GPR158: variants seen among roughly 807,000 people sequenced by gnomAD.
The protein encoded by GPR158 is metabotropic glycine receptor.
Under a neutral mutation model 78.2 loss-of-function variants are expected in GPR158, and 30 were observed. The ratio of observed to expected loss-of-function variants is 0.38; its 90% CI spans 0.29 to 0.52. GPR158 has a LOEUF of 0.52. Among genes scored for constraint, GPR158 ranks in the 20% least tolerant of loss-of-function variants. The probability of loss-of-function intolerance (pLI) is 0.83; values close to 1 mark genes in which losing one functional copy is unlikely to be tolerated. For synonymous variants in GPR158, 581 were observed against 591.1 expected, an observed-to-expected ratio of 0.98 and a Z score of 0.25; for missense variants, 1,463 against 1,523.5, an observed-to-expected ratio of 0.96 and a Z score of 0.66.
At chr10:25,427,101 T>C (rs185067705) in intron 4 of GPR158, among the ~76,000 whole-genome samples, 28 of 152,176 alleles carry the variant, frequency 1.8e-4, no homozygotes, top group Non-Finnish European at 4.4e-5. Context: ...TATTAATCTA[T>C]AGTCAAATGG....
intron 2 of GPR158, among the ~76,000 whole-genome samples, chr10:25,395,074 T>C (rs1834348766): frequency 6.6e-6 from 1 of 152,162 alleles, no homozygotes; most frequent in African/African-American, 2.4e-5. Context: ...GTAGTTTTTG[T>C]AGTTTAGTAG....
intron 4 of GPR158, among the ~76,000 whole-genome samples, chr10:25,443,509 C>T (rs546158733): frequency 4.8e-5 from 7 of 146,798 alleles, no homozygotes; most frequent in South Asian, 2.2e-4. Context: ...GAGCCAAGTT[C>T]GGACCACTGC....
intron 1 of GPR158, among the ~76,000 whole-genome samples, chr10:25,208,984 G>A (rs867726498): frequency 2.0e-5 from 3 of 151,858 alleles, no homozygotes; most frequent in African/African-American, 4.8e-5. Flanking sequence ...AAGAAGCTGG[G>A]ACTACAGGTG....
chr10:25,217,862 C>T (rs915834408), intron 1 of GPR158, among the ~76,000 whole-genome samples: 1 of 152,136 alleles, frequency 6.6e-6, no homozygotes, highest in Non-Finnish European at 1.5e-5. Context: ...ATTTTCCATT[C>T]TCTGGAGGCC....
intron 6 of GPR158, among the ~76,000 whole-genome samples, chr10:25,559,077 A>G (rs1191757194): frequency 6.6e-6 from 1 of 152,062 alleles, no homozygotes; most frequent in Non-Finnish European, 1.5e-5. Flanking sequence ...TGATTTGTCT[A>G]TTTTCTTCAC....
At chr10:25,454,025 G>T (rs374782955) in intron 4 of GPR158, among the ~76,000 whole-genome samples, 2 of 151,980 alleles carry the variant, frequency 1.3e-5, no homozygotes, top group Non-Finnish European at 2.9e-5. Context: ...TGGGTAGTAT[G>T]GATATTTTAA....
chr10:25,521,163 A>G (rs948901142), intron 5 of GPR158, among the ~76,000 whole-genome samples: 3 of 152,182 alleles, frequency 2.0e-5, no homozygotes, highest in Non-Finnish European at 4.4e-5. Context: ...TTGACTCGGA[A>G]AGGAAACTCC....
chr10:25,386,082 T>C (rs1033990479), intron 2 of GPR158, among the ~76,000 whole-genome samples: 1 of 152,310 alleles, frequency 6.6e-6, no homozygotes, highest in East Asian at 1.9e-4. Flanking sequence ...CAGAGTTTTA[T>C]AGTTTTAGGT....
intron 2 of GPR158, among the ~76,000 whole-genome samples, chr10:25,222,066 A>G (rs985675905): frequency 7.9e-5 from 12 of 152,144 alleles, no homozygotes; most frequent in South Asian, 6.2e-4. Flanking sequence ...AGCAATAAGC[A>G]CTTATTTGTG....
At chr10:25,555,610 A>G (rs1836778342) in intron 6 of GPR158, among the ~76,000 whole-genome samples, 2 of 152,206 alleles carry the variant, frequency 1.3e-5, no homozygotes, top group South Asian at 4.1e-4. Context: ...CAGGAGGCAG[A>G]GTGAGCAAAT....
intron 2 of GPR158, among the ~76,000 whole-genome samples, chr10:25,227,520 C>T (rs1853390114): frequency 6.6e-6 from 1 of 152,108 alleles, no homozygotes; most frequent in African/African-American, 2.4e-5. Flanking sequence ...GTGTACTAGG[C>T]CTCTCTCTTT....
intron 2 of GPR158, among the ~76,000 whole-genome samples, chr10:25,341,450 A>G (rs1367269302): frequency 6.6e-6 from 1 of 152,004 alleles, no homozygotes; most frequent in Non-Finnish European, 1.5e-5. Context: ...CTCTCTTGGG[A>G]TACATCTAAA....
chr10:25,418,442 A>G (rs1180596992), intron 4 of GPR158, among the ~76,000 whole-genome samples: 2 of 152,136 alleles, frequency 1.3e-5, no homozygotes, highest in African/African-American at 4.8e-5. Context: ...CTAATTACAC[A>G]CATTTGTCCC....
At chr10:25,231,997 A>G (rs1421740694) in intron 2 of GPR158, among the ~76,000 whole-genome samples, 3 of 152,180 alleles carry the variant, frequency 2.0e-5, no homozygotes, top group Non-Finnish European at 2.9e-5. Flanking sequence ...ATTGACTTGC[A>G]TACACCAAAG....
chr10:25,520,838 C>A (rs900115133), intron 5 of GPR158, among the ~76,000 whole-genome samples: 1 of 152,208 alleles, frequency 6.6e-6, no homozygotes, highest in Admixed American at 6.5e-5. Context: ...GCCCTGCCCC[C>A]AGAGGTGGAG....
intron 2 of GPR158, among the ~76,000 whole-genome samples, chr10:25,372,636 G>C (rs1369134810): frequency 3.5e-5 from 5 of 143,452 alleles, no homozygotes; most frequent in Non-Finnish European, 4.6e-5. Flanking sequence ...CATATTCTCA[G>C]TCATAGGTGG....
chr10:25,487,319 T>C (rs1241737462), intron 5 of GPR158, among the ~76,000 whole-genome samples: 1 of 152,126 alleles, frequency 6.6e-6, no homozygotes, highest in Non-Finnish European at 1.5e-5. Flanking sequence ...TTGGAGAAAT[T>C]TGCACTTCTA....
intron 5 of GPR158, among the ~76,000 whole-genome samples, chr10:25,528,561 A>T (rs1564480610): frequency 6.6e-6 from 1 of 152,130 alleles, no homozygotes; most frequent in Admixed American, 6.5e-5. Flanking sequence ...CACTAAATAC[A>T]TACAAGTAGA....
intron 1 of GPR158, among the ~76,000 whole-genome samples, chr10:25,178,302 C>G (rs1852568036): frequency 6.6e-6 from 1 of 152,132 alleles, no homozygotes; most frequent in Non-Finnish European, 1.5e-5. Context: ...CCATTCCAAA[C>G]TCTGTTCTAT....
Sources: gnomAD v4.1 joint callset for allele counts (sites outside exome capture counted in the v4.1 genomes callset) on GRCh38, gnomAD v4.1.1 for gene constraint, MANE v1.5 for transcripts, NCBI Gene and HGNC (gene_info 2026-07-23, HGNC 2026-07-21) for gene names.